The following DUT variants were observed in gnomAD, a reference collection of about 807,000 sequenced individuals.
The protein encoded by DUT is deoxyuridine 5'-triphosphate nucleotidohydrolase, mitochondrial.
A neutral mutation model predicts 28.8 loss-of-function variants in DUT; 21 were observed. The ratio of observed to expected loss-of-function variants is 0.73; its 90% CI spans 0.52 to 1.05. DUT has a LOEUF of 1.05. Ranked by LOEUF, DUT falls within the 50% of genes least tolerant of loss-of-function variation. The probability of loss-of-function intolerance (pLI) is 0.00; values close to 1 mark genes in which losing one functional copy is unlikely to be tolerated. For missense variants in DUT, 344 were observed against 351.8 expected, an observed-to-expected ratio of 0.98 and a Z score of 0.18; for synonymous variants, 147 against 143.7, an observed-to-expected ratio of 1.02 and a Z score of -0.17.
chr15:48,332,558 C>A, intron 2 of DUT, 152 bp downstream of exon 2: 1 of 774,528 alleles, frequency 1.3e-6, no homozygotes, highest in Non-Finnish European at 2.1e-6. Flanking sequence ...TCATCTTTGG[C>A]ATAAATTAAA....
Position 48,341,363 on chromosome 15 carries a change from G to C in DUT, c.631G>C (p.Val211Leu). ...LFNFGKEKFE[V>L]KKGDRIAQLI... ...TAATTTTGGCAAAGAAAAGTTTGAA[G>C]GTATGTTAAATATATACATTCACAT... Residue 211 changes from valine (V) to leucine (L), a missense_variant and splice_region_variant, in exon 5 of 7, where the codon GTC becomes CTC. Transcript: ENST00000331200. 1 of 1,602,120 alleles carries C rather than the reference G, an allele frequency of 6.2e-7. No individual in the cohort carries two copies. Among genetic ancestry groups the C allele is most frequent in the South Asian group, 1.1e-5 (1 of 90,738 alleles).
upstream of DUT, chr15:48,331,141 G>C (rs1014685558): frequency 1.1e-4 from 167 of 1,492,384 alleles, 2 homozygotes; most frequent in Admixed American, 1.3e-3. Flanking sequence ...CGCTTAGGGC[G>C]CCGCTAAACT....
In DUT at chr15:48,332,199, C is replaced by T. The variant is rs2141156376; in HGVS notation, c.281-69C>T. ...GCGCGCTCCCTGCGGCGACGCTCAT[C>T]GTGCGCTCTCCTCTTCCCCCGGTGG... is the stretch of plus-strand genomic sequence containing the variant. On this transcript the variant is annotated intron_variant, in intron 1 of 6. Transcript: ENST00000331200. The T allele has an allele frequency of 2.6e-6, 4 of 1,511,020 alleles. No homozygotes were observed. The South Asian group carries it at 5.2e-5, about 19-fold the overall frequency. 93.6% of individuals were successfully genotyped at this position (1,511,020 alleles called of 1,614,324 possible). A position where few individuals can be genotyped will look rare whatever the true frequency, so the allele number is the denominator to read the frequency against.
In DUT at chr15:48,342,205, C is replaced by G. The variant is rs1273256938; in HGVS notation, c.*127C>G. Reference sequence around the variant, plus strand: ...TTACTAGCTTTACCTTCTAAAAGTACTGCATTTTTTACTTTTTTTTATGAT... The same window carrying G: ...TTACTAGCTTTACCTTCTAAAAGTAGTGCATTTTTTACTTTTTTTTATGAT... On this transcript the variant is annotated 3_prime_UTR_variant, in exon 7 of 7. Transcript: ENST00000331200. 3 of 485,640 alleles carry G rather than the reference C, an allele frequency of 6.2e-6. No homozygotes were observed. Among genetic ancestry groups the G allele is most frequent in the African/African-American group, 6.2e-5 (3 of 48,756 alleles). 30.1% of individuals were successfully genotyped at this position (485,640 alleles called of 1,614,324 possible). A position where few individuals can be genotyped will look rare whatever the true frequency, so the allele number is the denominator to read the frequency against.
Position 48,331,732 on chromosome 15 carries a change from G to T in DUT, c.217G>T (p.Val73Phe). 6.9e-7 allele frequency: 1 copy of T among 1,453,618 alleles called. No homozygotes were observed. The highest frequency in any genetic ancestry group is 9.1e-7 in the Non-Finnish European group (1 of 1,104,030). 90.0% of individuals were successfully genotyped at this position (1,453,618 alleles called of 1,614,324 possible). A position where few individuals can be genotyped will look rare whatever the true frequency, so the allele number is the denominator to read the frequency against. ...CCAAGGCTGCCGCGGAGCCAGTACA[G>T]TCGGGGCCGCTGGCTGGAAGGGCGA... The part of the protein sequence containing the change: ...LSQGCRGAST[V>F]GAAGWKGELP... The change falls in exon 1 of 7, where the codon GTC (valine) becomes TTC (phenylalanine). Residue 73 changes from valine (V) to phenylalanine (F), a missense_variant. By Grantham distance (50) the Val-to-Phe change is conservative (BLOSUM62 -1). Transcript: ENST00000331200.
upstream of DUT, chr15:48,331,292 A>G (rs2141154138): frequency 1.4e-6 from 2 of 1,447,368 alleles, no homozygotes; most frequent in Non-Finnish European, 1.8e-6. Flanking sequence ...CTAGGCAGCC[A>G]GAGGCGGCAG....
In DUT at chr15:48,334,488, C is replaced by T. The variant is rs2042453699; in HGVS notation, c.491C>T (p.Ser164Phe). 6.2e-7 allele frequency: 1 copy of T among 1,610,690 alleles called. No homozygotes were observed. The stretch of plus-strand genomic sequence containing the variant: ...ACGGACATTCAGATAGCGCTCCCTT[C>T]TGGGTGTTATGGAAGAGTGGGTAAG... The part of the protein sequence containing the change: ...VKTDIQIALP[S>F]GCYGRVAPRS... Residue 164 changes from serine (S) to phenylalanine (F), a missense_variant, in exon 3 of 7, where the codon TCT (serine) becomes TTT (phenylalanine). Physicochemically the swap from Ser to Phe is radical, Grantham distance 155. Transcript: ENST00000331200.
In DUT at chr15:48,342,071, A is replaced by G. The variant is rs772341797; in HGVS notation, c.752A>G (p.Lys251Arg). Residue 251 changes from lysine to arginine, a missense_variant, in exon 7 of 7, where the codon AAG (lysine) becomes AGG (arginine). Physicochemically the swap from Lys to Arg is conservative, Grantham distance 26. Transcript: ENST00000331200. ...RGSGGFGSTGKN is the reference protein window; with the variant it reads ...RGSGGFGSTGRN ...TCAGGAGGTTTTGGTTCCACTGGAA[A>G]GAATTAAAATTTATGCCAAGAACAG... 6.4e-7 allele frequency: 1 copy of G among 1,568,466 alleles called. No individual in the cohort carries two copies. The highest frequency in any genetic ancestry group is 8.6e-7 in the Non-Finnish European group (1 of 1,161,972).
At chr15:48,333,293 T>C (rs2042439415) in intron 2 of DUT, among the ~76,000 whole-genome samples, 1 of 152,046 alleles carries the variant, frequency 6.6e-6, no homozygotes, top group African/African-American at 2.4e-5. Context: ...AAAAGGAAAG[T>C]AGGTATGGAC....
Position 48,331,682 on chromosome 15 carries a change from C to T in DUT, c.167C>T (p.Pro56Leu). 1 of 1,525,390 alleles carries T rather than the reference C, an allele frequency of 6.6e-7. No homozygotes were observed. Among genetic ancestry groups the T allele is most frequent in the Non-Finnish European group, 8.8e-7 (1 of 1,137,018 alleles). 94.5% of individuals were successfully genotyped at this position (1,525,390 alleles called of 1,614,324 possible). The change falls in exon 1 of 7, where the codon CCG becomes CTG. Residue 56 changes from proline to leucine, a missense_variant. Physicochemically the swap from Pro to Leu is moderately conservative, Grantham distance 98. Coordinates refer to ENST00000331200, the MANE Select transcript of DUT (RefSeq NM_001025248.2). Reference sequence around the variant, plus strand: ...GCCGCGCAGCACGGGATTCCCCGGCCGCTGTCCAGCGCTGGCCGCCTGAGC... The same window carrying T: ...GCCGCGCAGCACGGGATTCCCCGGCTGCTGTCCAGCGCTGGCCGCCTGAGC... ...GRAAQHGIPR[P>L]LSSAGRLSQG... is the part of the protein sequence containing the mutation.
Position 48,341,550 on chromosome 15 carries a change from G to A in DUT, c.667G>A (p.Glu223Lys), listed in dbSNP as rs749824659. Reference protein sequence around the residue: ...KGDRIAQLICERIFYPEIEEV... With the variant: ...KGDRIAQLICKRIFYPEIEEV... Reference sequence around the variant, plus strand: ...TGATCGAATTGCACAGCTCATTTGCGAACGGATTTTTTATCCAGAAATAGA... The same window carrying A: ...TGATCGAATTGCACAGCTCATTTGCAAACGGATTTTTTATCCAGAAATAGA... Residue 223 changes from glutamate to lysine, a missense_variant, in exon 6 of 7, where the codon GAA becomes AAA. Transcript: ENST00000331200. 2.0e-5 allele frequency: 32 copies of A among 1,612,834 alleles called. No individual in the cohort carries two copies. Among genetic ancestry groups the A allele is most frequent in the South Asian group, 8.8e-5 (8 of 90,954 alleles).
intron 2 of DUT, chr15:48,332,669 T>G: frequency 1.5e-6 from 1 of 652,716 alleles, no homozygotes; most frequent in East Asian, 3.1e-5. Flanking sequence ...AAATAGAAGA[T>G]AGAGAGGAAG....
chr15:48,333,238 G>A (rs1057514535), intron 2 of DUT, among the ~76,000 whole-genome samples: 4 of 151,986 alleles, frequency 2.6e-5, no homozygotes, highest in Admixed American at 1.3e-4. Flanking sequence ...TCTAAGCACA[G>A]GAGAAGAGAA....
At position 48,336,066 on chromosome 15, in the gene DUT, G is replaced by A. The variant is rs757322113; in HGVS notation, c.532G>A (p.Ala178Thr). The A allele has an allele frequency of 1.9e-6, 3 of 1,603,026 alleles. No individual in the cohort carries two copies. Among genetic ancestry groups the A allele is most frequent in the Admixed American group, 1.8e-5 (1 of 56,774 alleles). ...TTTAGCTCCACGGTCAGGCTTGGCT[G>A]CAAAACACTTTATTGATGTAGGAGG... ...GRVAPRSGLA[A>T]KHFIDVGAGV... Residue 178 changes from alanine to threonine, a missense_variant, in exon 4 of 7, where the codon GCA becomes ACA. By Grantham distance (58) the Ala-to-Thr change is moderately conservative. Coordinates refer to ENST00000331200, the MANE Select transcript of DUT (RefSeq NM_001025248.2).
chr15:48,332,463 G>A, intron 2 of DUT, 57 bp downstream of exon 2: 1 of 1,395,894 alleles, frequency 7.2e-7, no homozygotes, highest in Non-Finnish European at 9.6e-7. Context: ...CGCTGCCACA[G>A]CTAGAAACAG....
At chr15:48,341,177 C>G in intron 4 of DUT, 112 bp from the exon 5 acceptor site, 1 of 648,758 alleles carries the variant, frequency 1.5e-6, no homozygotes, top group Non-Finnish European at 2.6e-6. Context: ...TTCACTTATT[C>G]AATTGTAAGA....
intron 4 of DUT, among the ~76,000 whole-genome samples, chr15:48,337,550 A>T (rs2042488731): frequency 6.6e-6 from 1 of 152,340 alleles, no homozygotes; most frequent in East Asian, 1.9e-4. Context: ...CACATATTAG[A>T]TTCTGTGAGA....
rs1045894173 is a variant in DUT, at chr15:48,342,265, G to T, written c.*187G>T. 7 of 362,054 alleles carry T rather than the reference G, an allele frequency of 1.9e-5. No homozygotes were observed. Among genetic ancestry groups the T allele is most frequent in the Non-Finnish European group, 2.9e-5 (6 of 203,558 alleles). The allele number at this position is 362,054 out of a possible 1,614,324, so 22.4% of individuals were successfully genotyped here. On this transcript the variant is annotated 3_prime_UTR_variant, in exon 7 of 7. Coordinates refer to ENST00000331200, the MANE Select transcript of DUT (RefSeq NM_001025248.2). ...GATCATTAAAAAAAAACACAAAGAAGTTTTTCTTTGTGTTTGGATCAAAAA... is the reference window on the plus strand; with the variant it reads ...GATCATTAAAAAAAAACACAAAGAATTTTTTCTTTGTGTTTGGATCAAAAA...
intron 1 of DUT, 155 bp from the exon 2 acceptor site, chr15:48,332,113 G>A (rs960824156): frequency 4.3e-6 from 6 of 1,388,950 alleles, no homozygotes; most frequent in East Asian, 2.9e-5. Flanking sequence ...AGCCAGAACT[G>A]TGGACTCGTC....
Sources: gnomAD v4.1 joint callset for allele counts (sites outside exome capture counted in the v4.1 genomes callset) on GRCh38, gnomAD v4.1.1 for gene constraint, MANE v1.5 for transcripts, NCBI Gene and HGNC (gene_info 2026-07-23, HGNC 2026-07-21) for gene names.